Variants in RGPD4 observed in about 807,000 individuals in gnomAD.
RGPD4 encodes ranBP2-like and GRIP domain-containing protein 4.
Under a neutral mutation model 141.1 loss-of-function variants are expected in RGPD4, and 84 were observed. That is an observed-to-expected ratio of 0.60 (90% CI 0.50 to 0.71). The LOEUF is 0.71. Among genes scored for constraint, RGPD4 ranks in the 30% least tolerant of loss-of-function variants. The pLI, the probability that RGPD4 is intolerant of heterozygous loss-of-function variation, is 0.00. For synonymous variants in RGPD4, 298 were observed against 566.8 expected, an observed-to-expected ratio of 0.53 and a Z score of 6.74; for missense variants, 918 against 1,622.4, an observed-to-expected ratio of 0.57 and a Z score of 7.46.
chr2:107,837,130 G>A (rs1681690443), intron 2 of RGPD4, among the ~76,000 whole-genome samples: 2 of 139,014 alleles, frequency 1.4e-5, no homozygotes, highest in South Asian at 2.2e-4. Context: ...AAGAAGCTTG[G>A]TGATTCTGAT....
chr2:107,858,581 G>C (rs1220060562), intron 9 of RGPD4, among the ~76,000 whole-genome samples: 1 of 152,198 alleles, frequency 6.6e-6, no homozygotes, highest in Non-Finnish European at 1.5e-5. Context: ...TGGGACTATA[G>C]GCACGTGACA....
In RGPD4 at chr2:107,880,112, G is replaced by C. The variant is rs1001967363; in HGVS notation, c.5064+5G>C. On this transcript the variant is annotated splice_donor_5th_base_variant and intron_variant, in intron 21 of 22. Transcript: ENST00000408999. ...GTCCTTATGGAGCAAATTAAGGTGAGATCAGAAAACCTGGCCACCATGAAA... is the reference window on the plus strand; with the variant it reads ...GTCCTTATGGAGCAAATTAAGGTGACATCAGAAAACCTGGCCACCATGAAA... 1.6e-5 allele frequency: 25 copies of C among 1,611,302 alleles called. No individual in the cohort carries two copies. In the Admixed American group the frequency reaches 2.7e-4, roughly 17 times the overall value.
Position 107,827,087 on chromosome 2 carries a change from TGAGTGGATCTC to T in RGPD4, c.72+5_72+15del, listed in dbSNP as rs1393341707. 1.3e-6 allele frequency: 2 copies of T among 1,588,944 alleles called. No individual in the cohort carries two copies. The highest frequency in any genetic ancestry group is 4.6e-5 in the East Asian group (2 of 43,788). ...GGCTCCGCCCCGTCGCCTCGAAAGGTGAGTGGATCTCGAAGAGACCGACGGCCTCGACCTGG... is the reference window on the plus strand; with the variant it reads ...GGCTCCGCCCCGTCGCCTCGAAAGGTGAAGAGACCGACGGCCTCGACCTGG... On this transcript the variant is annotated splice_donor_5th_base_variant and intron_variant, in intron 1 of 22. Coordinates refer to ENST00000408999, the MANE Select transcript of RGPD4 (RefSeq NM_182588.3).
rs1373377387 is a variant in RGPD4, at chr2:107,891,596, A to G, written c.*865A>G. The stretch of plus-strand genomic sequence containing the variant: ...TCAGAGCCCTAGAGCTGGCTAATGT[A>G]ACACTGACTATGAGTAGGTGGGCCC... On this transcript the variant is annotated 3_prime_UTR_variant, in exon 23 of 23. Transcript: ENST00000408999. Among the ~76,000 whole-genome samples the G allele has an allele frequency of 1.4e-5, 1 of 72,070 alleles. No homozygotes were observed. The highest frequency in any genetic ancestry group is 2.9e-5 in the Non-Finnish European group (1 of 34,948). 47.3% of individuals were successfully genotyped at this position (72,070 alleles called of 152,430 possible).
intron 21 of RGPD4, among the ~76,000 whole-genome samples, chr2:107,880,515 G>C (rs1396571749): frequency 6.6e-6 from 1 of 151,566 alleles, no homozygotes. Context: ...CACCTGCCTT[G>C]GCCTCCCAAA....
chr2:107,871,787 T>A lies in RGPD4; in HGVS notation c.3783T>A (p.Asp1261Glu), dbSNP rs538911665. Residue 1261 changes from aspartate (D) to glutamate (E), a missense_variant, in exon 20 of 23, where the codon GAT becomes GAA. By Grantham distance (45) the Asp-to-Glu change is conservative. Transcript: ENST00000408999. ...NCDLREDALDDSVSSSSVHAS... is the reference protein window; with the variant it reads ...NCDLREDALDESVSSSSVHAS... Reference sequence around the variant, plus strand: ...ATTTAAGGGAAGATGCTTTGGATGATAGTGTCAGTAGTAGCTCAGTACATG... The same window carrying A: ...ATTTAAGGGAAGATGCTTTGGATGAAAGTGTCAGTAGTAGCTCAGTACATG... 3.3e-4 allele frequency: 538 copies of A among 1,611,504 alleles called. 2 individuals carry two copies. The highest frequency in any genetic ancestry group is 4.3e-4 in the Non-Finnish European group (502 of 1,179,868).
chr2:107,882,725 T>G lies in RGPD4; in HGVS notation c.5118T>G (p.Ser1706=). 1.9e-6 allele frequency: 3 copies of G among 1,611,678 alleles called. No individual in the cohort carries two copies. Among genetic ancestry groups the G allele is most frequent in the Non-Finnish European group, 1.7e-6 (2 of 1,179,864 alleles). The part of the protein sequence containing the change: ...RLERNQEQEE[S]AANVEHLKNV... ...AAAGGAATCAAGAGCAAGAGGAGTC[T>G]GCAGCTAACGTGGAACACTTGAAGA... The change falls in exon 22 of 23, where the codon TCT becomes TCG. Residue 1706 remains serine, a synonymous_variant. Transcript: ENST00000408999.
intron 22 of RGPD4, chr2:107,883,335 A>G (rs555430067): frequency 1.5e-5 from 5 of 338,140 alleles, no homozygotes; most frequent in Non-Finnish European, 2.9e-5. Flanking sequence ...ATGCAGTTTT[A>G]AAACTGTGCC....
intron 1 of RGPD4, among the ~76,000 whole-genome samples, chr2:107,833,777 G>T (rs1456604680): frequency 6.6e-6 from 1 of 152,054 alleles, no homozygotes; most frequent in African/African-American, 2.4e-5. Flanking sequence ...CGTGGCTGAC[G>T]CCTGTAATCC....
chr2:107,883,067 T>C, intron 22 of RGPD4, 194 bp downstream of exon 22: 1 of 903,504 alleles, frequency 1.1e-6, no homozygotes, highest in East Asian at 2.6e-5. Flanking sequence ...ATTTATATAA[T>C]TTTAACGTTC....
At chr2:107,876,406 T>C (rs1405700527) in intron 20 of RGPD4, among the ~76,000 whole-genome samples, 1 of 151,506 alleles carries the variant, frequency 6.6e-6, no homozygotes, top group East Asian at 1.9e-4. Flanking sequence ...GTCCTAATTC[T>C]GGTATTCACC....
intron 1 of RGPD4, among the ~76,000 whole-genome samples, chr2:107,833,176 G>C (rs1223624083): frequency 1.3e-5 from 2 of 150,604 alleles, no homozygotes; most frequent in East Asian, 1.9e-4. Flanking sequence ...GAGGATTTTA[G>C]GGGGAGGGAG....
intron 1 of RGPD4, among the ~76,000 whole-genome samples, chr2:107,834,172 G>A (rs1449847280): frequency 2.0e-5 from 3 of 151,466 alleles, no homozygotes; most frequent in East Asian, 3.9e-4. Flanking sequence ...ATTGAGCAAC[G>A]TTTTGTAATT....
At chr2:107,858,493 C>G (rs954567069) in intron 9 of RGPD4, among the ~76,000 whole-genome samples, 2 of 150,408 alleles carry the variant, frequency 1.3e-5, no homozygotes, top group East Asian at 1.9e-4. Context: ...GGCTGGAGCA[C>G]AGTGGCGCAA....
intron 6 of RGPD4, among the ~76,000 whole-genome samples, chr2:107,845,447 G>A (rs1427135916): frequency 6.6e-6 from 1 of 150,400 alleles, no homozygotes; most frequent in Non-Finnish European, 1.5e-5. Flanking sequence ...GCTCAGGAGG[G>A]GAGATGACCA....
intron 6 of RGPD4, among the ~76,000 whole-genome samples, chr2:107,844,307 G>A (rs1681838336): frequency 6.6e-6 from 1 of 151,842 alleles, no homozygotes; most frequent in African/African-American, 2.4e-5. Flanking sequence ...GTTTAGAGCA[G>A]GGGTTGTTGA....
intron 1 of RGPD4, among the ~76,000 whole-genome samples, chr2:107,831,572 C>CTTTTTTT (rs1166609493): frequency 9.2e-5 from 10 of 108,810 alleles, no homozygotes; most frequent in African/African-American, 1.1e-4. Context: ...CTTTTCTTTT[C>CTTTTTTT]TTTTTTTTTT....
In RGPD4 at chr2:107,861,618, A is replaced by C. The variant is rs781376767; in HGVS notation, c.2083A>C (p.Ile695Leu). Reference protein sequence around the residue: ...ALIFHRKAEDIANDALSPEEQ... With the variant: ...ALIFHRKAEDLANDALSPEEQ... ...GATTTTTCACAGGAAGGCAGAAGAC[A>C]TTGCAAATGATGCCCTTTCTCCTGA... The change falls in exon 15 of 23, where the codon ATT becomes CTT. Residue 695 changes from isoleucine (I) to leucine (L), a missense_variant. Ile to Leu is a conservative substitution (Grantham distance 5). Transcript: ENST00000408999. The C allele has an allele frequency of 4.3e-6, 7 of 1,610,676 alleles. No individual in the cohort carries two copies. In the East Asian group the frequency reaches 6.7e-5, roughly 15 times the overall value.
At chr2:107,827,743 C>T (rs1681274289) in intron 1 of RGPD4, among the ~76,000 whole-genome samples, 1 of 49,302 alleles carries the variant, frequency 2.0e-5, no homozygotes, top group Non-Finnish European at 4.1e-5. Context: ...GCTCAGGCGT[C>T]ATGGCTCCTG....
Sources: allele counts gnomAD v4.1 joint callset (sites outside exome capture counted in the v4.1 genomes callset), GRCh38; gene constraint gnomAD v4.1.1; transcripts MANE v1.5; gene names NCBI Gene and HGNC (gene_info 2026-07-23, HGNC 2026-07-21).